The following PPT1 variants were observed in gnomAD, a reference collection of about 807,000 sequenced individuals.
PPT1 encodes palmitoyl-protein thioesterase 1.
In PPT1, 24 loss-of-function variants were observed where a neutral mutation model predicts 44.0. The ratio of observed to expected loss-of-function variants is 0.54; its 90% confidence interval spans 0.39 to 0.77. PPT1 has a LOEUF of 0.77. Among genes scored for constraint, PPT1 ranks in the 30% least tolerant of loss-of-function variants. The probability of loss-of-function intolerance (pLI) is 0.00; values close to 1 mark genes in which losing one functional copy is unlikely to be tolerated. For missense variants in PPT1, 341 were observed against 378.8 expected (o/e 0.90, Z 0.83); for synonymous variants, 148 against 140.2 (o/e 1.06, Z -0.39).
At chr1:40,090,873 T>C (rs547722833) in intron 4 of PPT1, among the ~76,000 whole-genome samples, 11 of 152,222 alleles carry the variant, frequency 7.2e-5, no homozygotes, top group Non-Finnish European at 1.6e-4. Context: ...TCCATTCTAA[T>C]GACACATCCT....
chr1:40,090,617 A>T (rs988964188), intron 4 of PPT1, among the ~76,000 whole-genome samples: 3 of 152,174 alleles, frequency 2.0e-5, no homozygotes, highest in African/African-American at 7.2e-5. Context: ...CGTTTGTATA[A>T]TCCTTATACT....
At chr1:40,072,407 C>G (rs1648235260), downstream of PPT1, 1 of 243,828 alleles carries the variant, frequency 4.1e-6, no homozygotes, top group Non-Finnish European at 7.8e-6. Context: ...GAACAGAGGA[C>G]TGAAACCTCC....
At chr1:40,074,644 T>G (rs1648517698) in intron 8 of PPT1, among the ~76,000 whole-genome samples, 1 of 151,910 alleles carries the variant, frequency 6.6e-6, no homozygotes, top group Admixed American at 6.6e-5. Context: ...ATTTCTTGTA[T>G]TTTTAGTAGA....
intron 1 of PPT1, among the ~76,000 whole-genome samples, chr1:40,095,715 C>T (rs1445050135): frequency 1.3e-5 from 2 of 152,174 alleles, no homozygotes; most frequent in Non-Finnish European, 2.9e-5. Flanking sequence ...CACTTCTCAA[C>T]ACCTCTACTG....
intron 8 of PPT1, among the ~76,000 whole-genome samples, chr1:40,074,847 CTCAGAG>C (rs1417320533): frequency 1.3e-5 from 2 of 152,188 alleles, no homozygotes; most frequent in African/African-American, 2.4e-5. Flanking sequence ...TTTTGAAAAG[CTCAGAG>C]TCAGAGGACT....
chr1:40,081,604 G>GCT (rs1648946065), intron 5 of PPT1, among the ~76,000 whole-genome samples: 1 of 152,012 alleles, frequency 6.6e-6, no homozygotes, highest in Non-Finnish European at 1.5e-5. Flanking sequence ...CCCTGCCCAA[G>GCT]CTCTCTTCTT....
Position 40,087,920 on chromosome 1 carries a change from C to T in PPT1, c.536+1490G>A, listed in dbSNP as rs1649348857. Among the ~76,000 whole-genome samples, 4 of 150,930 alleles carry T rather than the reference C, an allele frequency of 2.7e-5. No individual in the cohort carries two copies. The Admixed American group carries it at 2.7e-4, about 10-fold the overall frequency. On this transcript the variant is annotated intron_variant, in intron 5 of 8. Coordinates refer to ENST00000642050, the MANE Select transcript of PPT1 (RefSeq NM_000310.4). ...CTGCTGACCCAAAACAGCTTTGTGG[C>T]TATTTGTGTAGCCAACGAGTGGGAA...
rs1047358971 is a variant in PPT1 at position 40,089,516 on chromosome 1, CAGTGGT to C, written c.434-10_434-5del. On this transcript the variant is annotated splice_polypyrimidine_tract_variant and splice_region_variant and intron_variant, in intron 4 of 8. Transcript: ENST00000642050. Reference sequence around the variant, plus strand: ...CATCGAGGGAGTCCAAAAACACCTACAGTGGTAGATGACAAATATCCACTCCTTCAA... The same window carrying C: ...CATCGAGGGAGTCCAAAAACACCTACAGATGACAAATATCCACTCCTTCAA... The C allele has an allele frequency of 1.2e-6, 2 of 1,606,310 alleles. No individual in the cohort carries two copies. The highest frequency in any genetic ancestry group is 1.7e-6 in the Non-Finnish European group (2 of 1,172,992).
At chr1:40,083,583 T>C (rs1441226038) in intron 5 of PPT1, among the ~76,000 whole-genome samples, 4 of 152,218 alleles carry the variant, frequency 2.6e-5, no homozygotes, top group African/African-American at 9.6e-5. Context: ...ATTAATGTTG[T>C]CTTCATGCCT....
intron 4 of PPT1, 139 bp downstream of exon 4, chr1:40,091,190 A>G (rs1277155866): frequency 2.3e-6 from 2 of 868,228 alleles, no homozygotes; most frequent in African/African-American, 3.4e-5. Context: ...AATGCTGGCT[A>G]GTTTGTTAAA....
chr1:40,072,182 A>G (rs1648162790), downstream of PPT1: 1 of 384,752 alleles, frequency 2.6e-6, no homozygotes, highest in South Asian at 1.4e-4. Flanking sequence ...AGGGCAGTTA[A>G]TGGAGTCTTG....
chr1:40,086,301 T>C (rs1285251426), intron 5 of PPT1, among the ~76,000 whole-genome samples: 1 of 152,082 alleles, frequency 6.6e-6, no homozygotes, highest in East Asian at 1.9e-4. Context: ...GCTGACAGCA[T>C]CTGCAAAGGC....
chr1:40,089,611 ACT>A (rs1483248559), intron 4 of PPT1, 99 bp from the exon 5 acceptor site: 1 of 853,632 alleles, frequency 1.2e-6, no homozygotes, highest in East Asian at 2.5e-5. Flanking sequence ...ACAGGACCAA[ACT>A]CTGATTTCAT....
At chr1:40,078,908 T>C (rs888710071) in intron 6 of PPT1, 2 of 459,926 alleles carry the variant, frequency 4.3e-6, no homozygotes, top group African/African-American at 4.1e-5. Flanking sequence ...GGGTATATTG[T>C]GTGATGCTGA....
chr1:40,093,480 T>A (rs1201530085), intron 1 of PPT1, among the ~76,000 whole-genome samples: 1 of 152,220 alleles, frequency 6.6e-6, no homozygotes, highest in Non-Finnish European at 1.5e-5. Flanking sequence ...TGCCACTGAA[T>A]CGTACCATTT....
chr1:40,079,153 G>C (rs1312133857), intron 6 of PPT1, among the ~76,000 whole-genome samples: 1 of 152,112 alleles, frequency 6.6e-6, no homozygotes, highest in Non-Finnish European at 1.5e-5. Context: ...CTGCATCCAT[G>C]TTGCTGCAAA....
chr1:40,090,653 A>T (rs1473314481), intron 4 of PPT1, among the ~76,000 whole-genome samples: 2 of 152,182 alleles, frequency 1.3e-5, no homozygotes, highest in African/African-American at 4.8e-5. Flanking sequence ...CCTACCTATT[A>T]TTTCACTTTA....
At chr1:40,090,354 GTGTGTATATA>G (rs1649493892) in intron 4 of PPT1, among the ~76,000 whole-genome samples, 1 of 152,066 alleles carries the variant, frequency 6.6e-6, no homozygotes, top group Admixed American at 6.5e-5. Context: ...ATATATGTGT[GTGTGTATATA>G]TGTGTATATA....
intron 4 of PPT1, among the ~76,000 whole-genome samples, chr1:40,089,904 C>T (rs1184346684): frequency 6.6e-6 from 1 of 151,050 alleles, no homozygotes; most frequent in Non-Finnish European, 1.5e-5. Flanking sequence ...TTTTGAGTAA[C>T]ACAAATAGTT....
Sources: gnomAD v4.1 joint callset for allele counts (sites outside exome capture counted in the v4.1 genomes callset) on GRCh38, gnomAD v4.1.1 for gene constraint, MANE v1.5 for transcripts, NCBI Gene and HGNC (gene_info 2026-07-23, HGNC 2026-07-21) for gene names.